SH3RF3: variants seen among roughly 807,000 people sequenced by gnomAD.
The protein encoded by SH3RF3 is SH3 domain containing ring finger 3.
Under a neutral mutation model 66.3 loss-of-function variants are expected in SH3RF3, and 29 were observed. The observed-to-expected ratio is 0.44, with a 90% CI of 0.33 to 0.60. The LOEUF is 0.60. Ranked by LOEUF, SH3RF3 falls within the 20% of genes least tolerant of loss-of-function variation. The pLI is 0.04. For missense variants in SH3RF3, 1,194 were observed against 1,190.9 expected (o/e 1.00, Z -0.04); for synonymous variants, 583 against 532.0 (o/e 1.10, Z -1.32).
chr2:109,175,362 A>G (rs1677893785), intron 1 of SH3RF3, among the ~76,000 whole-genome samples: 1 of 152,266 alleles, frequency 6.6e-6, no homozygotes, highest in South Asian at 2.1e-4. Flanking sequence ...AACAAAGGTT[A>G]GCTCATTGAA....
intron 6 of SH3RF3, among the ~76,000 whole-genome samples, chr2:109,435,180 G>C (rs941942638): frequency 6.6e-6 from 1 of 152,204 alleles, no homozygotes; most frequent in Non-Finnish European, 1.5e-5. Context: ...CTGCGCCCGG[G>C]TCGGCTGCCC....
intron 1 of SH3RF3, chr2:109,313,422 G>A (rs1681782881): frequency 6.5e-6 from 1 of 153,280 alleles, no homozygotes; most frequent in Non-Finnish European, 1.5e-5. Context: ...GCTCATGAGA[G>A]GCATGGATAC....
At chr2:109,182,044 A>T (rs570077899) in intron 1 of SH3RF3, among the ~76,000 whole-genome samples, 14 of 152,342 alleles carry the variant, frequency 9.2e-5, no homozygotes, top group African/African-American at 3.4e-4. Flanking sequence ...TGTGATAAAC[A>T]TATGTATGCC....
intron 2 of SH3RF3, among the ~76,000 whole-genome samples, chr2:109,353,098 C>G (rs1228474383): frequency 1.3e-5 from 2 of 152,240 alleles, no homozygotes; most frequent in Admixed American, 6.5e-5. Flanking sequence ...TGCTCAGAGT[C>G]CTCAGTGGCT....
At chr2:109,443,271 G>A (rs762101024) in intron 7 of SH3RF3, among the ~76,000 whole-genome samples, 4 of 152,236 alleles carry the variant, frequency 2.6e-5, no homozygotes, top group Non-Finnish European at 5.9e-5. Context: ...ATTAACAGGT[G>A]CCAGAGCTGG....
intron 1 of SH3RF3, among the ~76,000 whole-genome samples, chr2:109,292,689 C>G (rs1420277955): frequency 6.6e-6 from 1 of 152,178 alleles, no homozygotes; most frequent in East Asian, 1.9e-4. Flanking sequence ...GAGAGGAGCA[C>G]AAACCGGCCT....
chr2:109,325,490 G>T (rs1682132654), intron 1 of SH3RF3, among the ~76,000 whole-genome samples: 1 of 151,780 alleles, frequency 6.6e-6, no homozygotes, highest in Non-Finnish European at 1.5e-5. Context: ...ACAGGCATGT[G>T]CCACCATGTA....
intron 4 of SH3RF3, among the ~76,000 whole-genome samples, chr2:109,415,863 G>A (rs893363023): frequency 2.6e-5 from 4 of 152,150 alleles, no homozygotes; most frequent in South Asian, 4.1e-4. Context: ...TCCCCCAGGC[G>A]CAGCACTGAG....
rs1682193584 is a variant in SH3RF3, at chr2:109,327,880, G to A, written c.574-19794G>A. On this transcript the variant is annotated intron_variant, in intron 1 of 9. Transcript: ENST00000309415. ...ATAAATTTTCTTTTGTGTCAGTTTA[G>A]CAATTCATTTCTTTTTCTTGTTATT... 2.0e-5 allele frequency among the ~76,000 whole-genome samples: 3 copies of A among 152,106 alleles called. No homozygotes were observed. In the South Asian group the frequency reaches 6.2e-4, roughly 32 times the overall value.
At chr2:109,482,145 C>A (rs1442857110) in intron 8 of SH3RF3, among the ~76,000 whole-genome samples, 1 of 152,116 alleles carries the variant, frequency 6.6e-6, no homozygotes, top group African/African-American at 2.4e-5. Context: ...AGTTGATTAC[C>A]CTGTGTCTCT....
At chr2:109,375,198 C>T (rs943344741) in intron 3 of SH3RF3, among the ~76,000 whole-genome samples, 1 of 152,264 alleles carries the variant, frequency 6.6e-6, no homozygotes, top group Admixed American at 6.5e-5. Context: ...CTGTGCTCAC[C>T]GGAGATACCT....
intron 1 of SH3RF3, among the ~76,000 whole-genome samples, chr2:109,195,354 TGAG>T (rs369767191): frequency 1.3e-4 from 20 of 152,274 alleles, no homozygotes; most frequent in Admixed American, 5.2e-4. Context: ...AAGGGGCAAG[TGAG>T]GAGCTGCTGC....
At chr2:109,301,112 T>C (rs1289203587) in intron 1 of SH3RF3, among the ~76,000 whole-genome samples, 4 of 152,208 alleles carry the variant, frequency 2.6e-5, no homozygotes, top group African/African-American at 9.7e-5. Flanking sequence ...ATTTTAATAC[T>C]GTGGGAATAG....
chr2:109,198,770 A>G (rs549585767), intron 1 of SH3RF3, among the ~76,000 whole-genome samples: 3 of 152,180 alleles, frequency 2.0e-5, no homozygotes, highest in Non-Finnish European at 4.4e-5. Context: ...TCACCTCCTG[A>G]TACCAAACCT....
intron 1 of SH3RF3, among the ~76,000 whole-genome samples, chr2:109,260,459 C>T (rs572268089): frequency 6.6e-6 from 1 of 152,330 alleles, no homozygotes; most frequent in South Asian, 2.1e-4. Context: ...AAAGCATCTG[C>T]CTCCCAGTGG....
intron 1 of SH3RF3, among the ~76,000 whole-genome samples, chr2:109,272,265 A>G (rs904027003): frequency 6.6e-6 from 1 of 152,162 alleles, no homozygotes. Context: ...ATCTCTAGCA[A>G]TTGCCCAACC....
intron 1 of SH3RF3, among the ~76,000 whole-genome samples, chr2:109,150,362 C>T (rs1264901845): frequency 2.6e-5 from 4 of 152,110 alleles, no homozygotes; most frequent in Non-Finnish European, 5.9e-5. Context: ...GGTACAAGAC[C>T]ATGCTAGGGA....
intron 1 of SH3RF3, among the ~76,000 whole-genome samples, chr2:109,315,999 G>A (rs1681870228): frequency 6.6e-6 from 1 of 152,186 alleles, no homozygotes; most frequent in South Asian, 2.1e-4. Context: ...GAGATTATAT[G>A]TGCATGCATC....
chr2:109,388,584 C>G (rs1422862792), intron 3 of SH3RF3, among the ~76,000 whole-genome samples: 1 of 152,250 alleles, frequency 6.6e-6, no homozygotes, highest in Non-Finnish European at 1.5e-5. Flanking sequence ...ATATACTCAA[C>G]AAACAGCCAC....
Sources: gnomAD v4.1 joint callset for allele counts (sites outside exome capture counted in the v4.1 genomes callset) on GRCh38, gnomAD v4.1.1 for gene constraint, MANE v1.5 for transcripts, NCBI Gene and HGNC (gene_info 2026-07-23, HGNC 2026-07-21) for gene names.